The following ZNF611 variants were observed in gnomAD, a reference collection of about 807,000 sequenced individuals.
ZNF611 encodes the protein zinc finger protein 611.
ZNF611 carries 6 observed loss-of-function variants against 8.9 expected under a neutral mutation model. The ratio of observed to expected loss-of-function variants is 0.68; its 90% CI spans 0.37 to 1.34. ZNF611 has a LOEUF of 1.34. Ranked by LOEUF, ZNF611 falls within the 40% of genes most tolerant of loss-of-function variation. The pLI is 0.02. For missense variants in ZNF611, 874 were observed against 841.3 expected (o/e 1.04, Z -0.48); for synonymous variants, 262 against 279.7 (o/e 0.94, Z 0.63).
At chr19:52,732,334 G>A (rs1389356219) in intron 1 of ZNF611, among the ~76,000 whole-genome samples, 1 of 137,720 alleles carries the variant, frequency 7.3e-6, no homozygotes, top group Non-Finnish European at 1.6e-5. Flanking sequence ...TCACAGTATT[G>A]AGTTATTCTG....
chr19:52,722,276 G>C (rs2147439275), intron 3 of ZNF611, among the ~76,000 whole-genome samples: 1 of 152,170 alleles, frequency 6.6e-6, no homozygotes, highest in East Asian at 1.9e-4. Flanking sequence ...CAGCTACTCA[G>C]GAGACTGAGG....
chr19:52,713,663 G>C (rs1227565243), intron 5 of ZNF611, among the ~76,000 whole-genome samples: 1 of 152,146 alleles, frequency 6.6e-6, no homozygotes, highest in African/African-American at 2.4e-5. Flanking sequence ...AGGCCGAGGT[G>C]GGTGGATCAC....
chr19:52,728,854 C>T (rs112186976), intron 2 of ZNF611, 23 bp from the exon 3 acceptor site: 2,098 of 178,912 alleles, frequency 0.012, 45 homozygotes, highest in African/African-American at 0.043. Context: ...AACACCAATA[C>T]GTTTCCAATT....
intron 5 of ZNF611, among the ~76,000 whole-genome samples, chr19:52,707,148 G>A (rs530808245): frequency 1.3e-5 from 2 of 151,186 alleles, no homozygotes; most frequent in South Asian, 2.1e-4. Flanking sequence ...CTGTGACCCT[G>A]AACTGTATCA....
intron 5 of ZNF611, among the ~76,000 whole-genome samples, chr19:52,711,970 G>C (rs1451271792): frequency 1.3e-5 from 2 of 152,150 alleles, no homozygotes; most frequent in African/African-American, 2.4e-5. Context: ...CACCAAGATA[G>C]ACCAAATCTT....
chr19:52,730,442 G>C (rs1568610653), intron 1 of ZNF611, among the ~76,000 whole-genome samples: 1 of 148,592 alleles, frequency 6.7e-6, no homozygotes, highest in Non-Finnish European at 1.5e-5. Context: ...TAGGCTCCTT[G>C]GTCTGAAAGA....
intron 1 of ZNF611, among the ~76,000 whole-genome samples, chr19:52,733,782 C>T (rs900028547): frequency 6.6e-6 from 1 of 151,992 alleles, no homozygotes; most frequent in African/African-American, 2.4e-5. Flanking sequence ...TTCTCTTCCA[C>T]CTCTTCTCCT....
chr19:52,725,307 T>C (rs1403096466), intron 3 of ZNF611, among the ~76,000 whole-genome samples: 1 of 152,248 alleles, frequency 6.6e-6, no homozygotes, highest in East Asian at 1.9e-4. Flanking sequence ...GGGTGGCACC[T>C]GCAGGCTCCC....
rs1555796333 is a variant in ZNF611, at chr19:52,721,690, G to GGAGGGAGAGGGAGAGAGGGAGGGA, written c.-19-5778_-19-5777insTCCCTCCCTCTCTCCCTCTCCCTC. On this transcript the variant is annotated intron_variant, in intron 3 of 5. Coordinates refer to ENST00000652185, the MANE Select transcript of ZNF611 (RefSeq NM_001161499.2). ...AAAGTGAGAGGGGAAAGGGAGAGAGGGAGGGAGAGGGAGAGGCAGAGGCAG... is the reference window on the plus strand; with the variant it reads ...AAAGTGAGAGGGGAAAGGGAGAGAGGGAGGGAGAGGGAGAGAGGGAGGGAGAGGGAGAGGGAGAGGCAGAGGCAG... 2.2e-3 allele frequency among the ~76,000 whole-genome samples: 328 copies of GGAGGGAGAGGGAGAGAGGGAGGGA among 151,546 alleles called. 2 individuals carry two copies. The highest frequency in any genetic ancestry group is 7.6e-3 in the African/African-American group (312 of 41,096).
In ZNF611 at chr19:52,727,954, G is replaced by A. The variant is rs527413593; in HGVS notation, c.-20+776C>T. ...AGACGGAGTCTCGCTTTGTTGCCCAGGCTGCAGTGCAGTGGTGCAATCTCA... is the reference window on the plus strand; with the variant it reads ...AGACGGAGTCTCGCTTTGTTGCCCAAGCTGCAGTGCAGTGGTGCAATCTCA... On this transcript the variant is annotated intron_variant, in intron 3 of 5. Transcript: ENST00000652185. 2.8e-3 allele frequency among the ~76,000 whole-genome samples: 419 copies of A among 147,138 alleles called. 1 individual carries two copies. Among genetic ancestry groups the A allele is most frequent in the Non-Finnish European group, 4.1e-3 (275 of 67,398 alleles).
chr19:52,705,775 T>A lies in ZNF611; in HGVS notation c.1280A>T (p.Lys427Ile). ...RRIHTAKKTYKCNECGKTFSH... is the reference protein window; with the variant it reads ...RRIHTAKKTYICNECGKTFSH... ...GAAGGTCTTGCCACACTCATTACAT[T>A]TATAAGTTTTCTTTGCAGTATGAAT... Residue 427 changes from lysine (K) to isoleucine (I), a missense_variant, in exon 6 of 6, where the codon AAA (lysine) becomes ATA (isoleucine). Lys to Ile is a moderately radical substitution (Grantham distance 102). Coordinates refer to ENST00000652185, the MANE Select transcript of ZNF611 (RefSeq NM_001161499.2). 6.2e-7 allele frequency: 1 copy of A among 1,614,006 alleles called. No individual in the cohort carries two copies. The highest frequency in any genetic ancestry group is 1.1e-5 in the South Asian group (1 of 91,036).
intron 3 of ZNF611, among the ~76,000 whole-genome samples, chr19:52,723,047 CCT>C (rs1467701910): frequency 2.0e-5 from 3 of 151,116 alleles, no homozygotes; most frequent in Admixed American, 6.6e-5. Context: ...GCGCCTGGCC[CCT>C]CTTTCTTCAT....
chr19:52,718,115 C>T (rs1472364800), intron 3 of ZNF611, among the ~76,000 whole-genome samples: 1 of 151,942 alleles, frequency 6.6e-6, no homozygotes. Context: ...GAGGCCAGGG[C>T]ATGATCACAA....
Position 52,705,218 on chromosome 19 carries a change from G to C in ZNF611, c.1837C>G (p.Arg613Gly). The change falls in exon 6 of 6, where the codon CGT becomes GGT. Residue 613 changes from arginine to glycine, a missense_variant. By Grantham distance (125) the Arg-to-Gly change is moderately radical (BLOSUM62 -2). Transcript: ENST00000652185. ...FSRRSSLHCH[R>G]RLHSGEKPYK... ...GGTTTCTCACCACTATGAAGTCTAC[G>C]ATGGCAATGAAGGGATGACCTGCGA... The C allele has an allele frequency of 6.2e-7, 1 of 1,613,936 alleles. No homozygotes were observed. Among genetic ancestry groups the C allele is most frequent in the Non-Finnish European group, 8.5e-7 (1 of 1,180,004 alleles).
In ZNF611 at chr19:52,727,361, A is replaced by G. The variant is rs145070803; in HGVS notation, c.-20+1369T>C. Among the ~76,000 whole-genome samples the G allele has an allele frequency of 5.2e-3, 791 of 152,284 alleles. 8 individuals are homozygous for G. Among genetic ancestry groups the G allele is most frequent in the African/African-American group, 0.018 (755 of 41,540 alleles). On this transcript the variant is annotated intron_variant, in intron 3 of 5. Transcript: ENST00000652185. The stretch of plus-strand genomic sequence containing the variant: ...CAGCTAAGAGGTTGAAAAGAGAGAA[A>G]GAAACGTCACTGTTACTATACAACC...
intron 5 of ZNF611, chr19:52,707,412 G>A (rs2062253001): frequency 6.6e-6 from 1 of 152,120 alleles, no homozygotes; most frequent in African/African-American, 2.4e-5. Flanking sequence ...CAGGTATGGT[G>A]GCCCATGCCT....
At chr19:52,720,096 C>T (rs1365487733) in intron 3 of ZNF611, among the ~76,000 whole-genome samples, 2 of 152,216 alleles carry the variant, frequency 1.3e-5, no homozygotes, top group South Asian at 2.1e-4. Flanking sequence ...GGTAGGGTTA[C>T]ACATTAACAG....
intron 3 of ZNF611, among the ~76,000 whole-genome samples, chr19:52,722,537 G>A (rs965690270): frequency 5.3e-5 from 8 of 152,156 alleles, no homozygotes; most frequent in Admixed American, 3.3e-4. Context: ...CCCTCGGGCT[G>A]AATAGGGATT....
chr19:52,718,659 A>G (rs1441800021), intron 3 of ZNF611, among the ~76,000 whole-genome samples: 1 of 151,178 alleles, frequency 6.6e-6, no homozygotes, highest in Non-Finnish European at 1.5e-5. Context: ...TTAGCCGGCC[A>G]TGGTGGTGCG....
Sources: allele counts gnomAD v4.1 joint callset (sites outside exome capture counted in the v4.1 genomes callset), GRCh38; gene constraint gnomAD v4.1.1; transcripts MANE v1.5; gene names NCBI Gene and HGNC (gene_info 2026-07-23, HGNC 2026-07-21).